SETD3: variants seen among roughly 807,000 people sequenced by gnomAD.
The protein encoded by SETD3 is SET domain containing 3, actin N3(tau)-histidine methyltransferase.
Under a neutral mutation model 63.0 loss-of-function variants are expected in SETD3, and 19 were observed. The ratio of observed to expected loss-of-function variants is 0.30; its 90% CI spans 0.21 to 0.44. The LOEUF (loss-of-function observed/expected upper bound fraction) is 0.44. SETD3 is among the 20% of genes least tolerant of loss of function. SETD3 has a pLI of 1.00. For missense variants in SETD3, 587 were observed against 728.5 expected (o/e 0.81, Z 2.24); for synonymous variants, 286 against 264.1 (o/e 1.08, Z -0.80).
At chr14:99,418,595 G>A (rs1281125678) in intron 6 of SETD3, among the ~76,000 whole-genome samples, 1 of 152,140 alleles carries the variant, frequency 6.6e-6, no homozygotes, top group Non-Finnish European at 1.5e-5. Context: ...ATCCTCCCTA[G>A]GCCCACTGTG....
chr14:99,480,908 C>A (rs1345062890), upstream of SETD3: 1 of 152,160 alleles, frequency 6.6e-6, no homozygotes, highest in African/African-American at 2.4e-5. Flanking sequence ...CGCCCCGGAC[C>A]CCGCCCCCGG....
chr14:99,455,723 T>C (rs773236783), intron 6 of SETD3, among the ~76,000 whole-genome samples: 1 of 152,222 alleles, frequency 6.6e-6, no homozygotes, highest in African/African-American at 2.4e-5. Flanking sequence ...TGTATATAAA[T>C]ACAAAGCAGG....
chr14:99,434,744 G>A (rs1236274044), intron 6 of SETD3, among the ~76,000 whole-genome samples: 1 of 150,242 alleles, frequency 6.7e-6, no homozygotes, highest in East Asian at 2.0e-4. Context: ...CTACTCGGGA[G>A]GCTAAGGAAG....
intron 6 of SETD3, among the ~76,000 whole-genome samples, chr14:99,438,014 C>A (rs932588161): frequency 3.9e-5 from 6 of 152,196 alleles, no homozygotes; most frequent in African/African-American, 1.4e-4. Context: ...AGAACAAGGA[C>A]TTCAAAGCCG....
intron 1 of SETD3, among the ~76,000 whole-genome samples, chr14:99,473,119 G>T (rs1208779665): frequency 6.6e-6 from 1 of 152,176 alleles, no homozygotes; most frequent in African/African-American, 2.4e-5. Context: ...AGAAGACAGA[G>T]AAATGAATGA....
intron 2 of SETD3, among the ~76,000 whole-genome samples, chr14:99,465,102 C>A (rs1895290893): frequency 6.6e-6 from 1 of 152,184 alleles, no homozygotes; most frequent in Non-Finnish European, 1.5e-5. Flanking sequence ...TGCCATGGCA[C>A]TCCAGCCTGG....
chr14:99,465,516 C>G (rs116812665), intron 2 of SETD3, among the ~76,000 whole-genome samples, 187 bp downstream of exon 2: 1 of 152,166 alleles, frequency 6.6e-6, no homozygotes, highest in Non-Finnish European at 1.5e-5. Context: ...ACAGTTCTGA[C>G]GGGTGTTTCC....
intron 6 of SETD3, among the ~76,000 whole-genome samples, chr14:99,452,901 C>T: frequency 6.6e-6 from 1 of 152,120 alleles, no homozygotes; most frequent in East Asian, 1.9e-4. Flanking sequence ...GGTACAGGCC[C>T]CCAAGAAAAC....
intron 11 of SETD3, among the ~76,000 whole-genome samples, chr14:99,400,885 A>T (rs900085037): frequency 5.9e-5 from 9 of 152,360 alleles, no homozygotes; most frequent in Non-Finnish European, 1.0e-4. Context: ...CACGCCTGTA[A>T]TCCCAGCACT....
At chr14:99,465,350 C>T (rs1293246271) in intron 2 of SETD3, among the ~76,000 whole-genome samples, 2 of 152,204 alleles carry the variant, frequency 1.3e-5, no homozygotes, top group South Asian at 4.1e-4. Flanking sequence ...GACAAGAACA[C>T]TGAGTTTCGG....
chr14:99,475,350 G>A (rs778407905), intron 1 of SETD3, among the ~76,000 whole-genome samples: 3 of 152,262 alleles, frequency 2.0e-5, no homozygotes, highest in African/African-American at 4.8e-5. Context: ...AAGGATATAA[G>A]ACAGGCAGGA....
chr14:99,428,074 T>C (rs1403204281), intron 6 of SETD3, among the ~76,000 whole-genome samples: 2 of 152,194 alleles, frequency 1.3e-5, no homozygotes, highest in Non-Finnish European at 2.9e-5. Flanking sequence ...AAAGGTGCAA[T>C]GCCAGTGCAG....
intron 7 of SETD3, among the ~76,000 whole-genome samples, chr14:99,413,556 A>G (rs1324886952): frequency 2.0e-5 from 3 of 152,210 alleles, no homozygotes; most frequent in Admixed American, 6.5e-5. Flanking sequence ...AAAAGTCCCC[A>G]TTTTACACTA....
intron 6 of SETD3, among the ~76,000 whole-genome samples, chr14:99,433,533 G>C (rs1182122465): frequency 6.6e-6 from 1 of 152,048 alleles, no homozygotes; most frequent in African/African-American, 2.4e-5. Flanking sequence ...TGCCTCCCAG[G>C]TTTAAGCGAT....
chr14:99,481,188 T>C (rs1053509050), upstream of SETD3: 23 of 384,412 alleles, frequency 6.0e-5, no homozygotes, highest in African/African-American at 4.6e-4. Flanking sequence ...AGAATGCCTT[T>C]TCGCCCCGAG....
chr14:99,411,156 C>T (rs1245768569), intron 8 of SETD3: 3 of 152,106 alleles, frequency 2.0e-5, no homozygotes, highest in African/African-American at 7.3e-5. Flanking sequence ...ATGTCAGGAA[C>T]ATAACCACTG....
upstream of SETD3, chr14:99,481,422 C>G: frequency 2.5e-6 from 1 of 398,372 alleles, no homozygotes; most frequent in Admixed American, 4.4e-5. Context: ...ATTCCATATA[C>G]AAGATGGCCG....
chr14:99,458,578 C>T (rs781157854), intron 5 of SETD3, 43 bp from the exon 6 acceptor site: 2 of 1,573,152 alleles, frequency 1.3e-6, no homozygotes, highest in Non-Finnish European at 1.7e-6. Flanking sequence ...CCACAAACTT[C>T]TTAAAAACTT....
chr14:99,415,805 AGCAAAATGTGACACTAAC>A (rs1203115842), intron 6 of SETD3, among the ~76,000 whole-genome samples: 1 of 152,226 alleles, frequency 6.6e-6, no homozygotes, highest in Non-Finnish European at 1.5e-5. Context: ...GTGACACTAA[AGCAAAATGTGACACTAAC>A]GGAGAAAGGA....
Sources: gnomAD v4.1 joint callset for allele counts (sites outside exome capture counted in the v4.1 genomes callset) on GRCh38, gnomAD v4.1.1 for gene constraint, MANE v1.5 for transcripts, NCBI Gene and HGNC (gene_info 2026-07-23, HGNC 2026-07-21) for gene names.